Variants in NRG1 observed in about 807,000 individuals in gnomAD.
The protein encoded by NRG1 is pro-neuregulin-1, membrane-bound isoform.
A neutral mutation model predicts 63.8 loss-of-function variants in NRG1; 18 were observed. The observed-to-expected ratio is 0.28, with a 90% confidence interval of 0.19 to 0.42. The LOEUF (loss-of-function observed/expected upper bound fraction) is 0.42, where lower values mean the gene tolerates loss of function less well. NRG1 is among the 10% of genes least tolerant of loss of function. NRG1 has a pLI of 1.00. For synonymous variants in NRG1, 302 were observed against 301.3 expected (o/e 1.00, Z -0.02); for missense variants, 762 against 814.7 (o/e 0.94, Z 0.79).
intron 1 of NRG1, among the ~76,000 whole-genome samples, chr8:32,120,978 G>C (rs557936163): frequency 6.6e-6 from 1 of 151,908 alleles, no homozygotes; most frequent in African/African-American, 2.4e-5. Flanking sequence ...CACCCACTTC[G>C]CCTGCTGAGA....
At chr8:32,759,813 C>T (rs868819724) in intron 10 of NRG1, among the ~76,000 whole-genome samples, 1 of 152,138 alleles carries the variant, frequency 6.6e-6, no homozygotes, top group African/African-American at 2.4e-5. Context: ...CTCAAATGCC[C>T]TGGTGATCCC....
At chr8:31,829,222 A>G (rs565727265) in intron 1 of NRG1, among the ~76,000 whole-genome samples, 1 of 152,320 alleles carries the variant, frequency 6.6e-6, no homozygotes, top group East Asian at 1.9e-4. Context: ...TTTCATGTAG[A>G]TGTTTTAAAT....
chr8:32,425,210 TG>T (rs1290152186), intron 1 of NRG1, among the ~76,000 whole-genome samples: 12 of 152,356 alleles, frequency 7.9e-5, no homozygotes, highest in Non-Finnish European at 1.6e-4. Flanking sequence ...CATGCCTCTT[TG>T]GAATGGCATT....
chr8:31,704,844 A>G (rs974623585), intron 1 of NRG1, among the ~76,000 whole-genome samples: 32 of 151,818 alleles, frequency 2.1e-4, no homozygotes, highest in Non-Finnish European at 4.1e-4. Context: ...AAAAAAAAAA[A>G]AAAAAGAAAT....
At chr8:31,687,326 A>T (rs1173026555) in intron 1 of NRG1, among the ~76,000 whole-genome samples, 1 of 152,254 alleles carries the variant, frequency 6.6e-6, no homozygotes, top group Non-Finnish European at 1.5e-5. Context: ...CACTAAAAGC[A>T]AACAAACAAA....
At chr8:32,076,511 A>G (rs1826577980) in intron 1 of NRG1, among the ~76,000 whole-genome samples, 2 of 152,226 alleles carry the variant, frequency 1.3e-5, no homozygotes, top group Non-Finnish European at 2.9e-5. Context: ...GTTTGTAAGT[A>G]ACAGGTTTTG....
chr8:32,154,815 G>A (rs1028503203), intron 1 of NRG1, among the ~76,000 whole-genome samples: 1 of 152,162 alleles, frequency 6.6e-6, no homozygotes, highest in African/African-American at 2.4e-5. Context: ...ACAATGAAAG[G>A]AAGGGGAGGG....
intron 1 of NRG1, among the ~76,000 whole-genome samples, chr8:31,811,399 C>G (rs1266982087): frequency 6.6e-6 from 1 of 152,142 alleles, no homozygotes; most frequent in Admixed American, 6.5e-5. Flanking sequence ...CCTTCAAGGA[C>G]TTTTATTTTT....
At chr8:31,861,240 A>G (rs1048205810) in intron 1 of NRG1, among the ~76,000 whole-genome samples, 1 of 152,164 alleles carries the variant, frequency 6.6e-6, no homozygotes, top group African/African-American at 2.4e-5. Context: ...TGGTACTTCA[A>G]TACTGAGTAG....
intron 1 of NRG1, among the ~76,000 whole-genome samples, chr8:31,999,868 A>AT (rs573027886): frequency 2.2e-4 from 33 of 151,514 alleles, no homozygotes; most frequent in South Asian, 8.4e-4. Context: ...AAAAATGTGC[A>AT]TTTTTTTTTC....
chr8:32,628,717 A>G (rs967919693), intron 5 of NRG1, among the ~76,000 whole-genome samples: 9 of 151,788 alleles, frequency 5.9e-5, no homozygotes, highest in African/African-American at 2.2e-4. Flanking sequence ...AAACAAGTAT[A>G]ATAAAACTTT....
intron 1 of NRG1, among the ~76,000 whole-genome samples, chr8:32,426,886 C>T (rs868025317): frequency 2.0e-5 from 3 of 152,086 alleles, no homozygotes; most frequent in Non-Finnish European, 4.4e-5. Context: ...GTCTTGAAGA[C>T]GAAAGTTGAG....
At chr8:32,664,702 C>T (rs1357137700) in intron 5 of NRG1, among the ~76,000 whole-genome samples, 1 of 151,916 alleles carries the variant, frequency 6.6e-6, no homozygotes, top group Non-Finnish European at 1.5e-5. Flanking sequence ...AAATGGGATG[C>T]CATGCATGAG....
At chr8:32,759,197 A>T (rs1013351235) in intron 9 of NRG1, 109 bp from the exon 10 acceptor site, 2 of 1,240,248 alleles carry the variant, frequency 1.6e-6, no homozygotes, top group African/African-American at 3.0e-5. Flanking sequence ...ACAAAAATAG[A>T]TTTGTGTGTT....
At chr8:31,863,785 C>T (rs754371733) in intron 1 of NRG1, among the ~76,000 whole-genome samples, 6 of 152,190 alleles carry the variant, frequency 3.9e-5, no homozygotes, top group African/African-American at 4.8e-5. Context: ...AGACATTTCT[C>T]TCCCTTCCTC....
intron 1 of NRG1, among the ~76,000 whole-genome samples, chr8:32,508,685 T>G (rs1464501788): frequency 6.6e-6 from 1 of 152,044 alleles, no homozygotes; most frequent in East Asian, 1.9e-4. Context: ...CCTACACTAT[T>G]TATTTTTTAT....
intron 1 of NRG1, among the ~76,000 whole-genome samples, chr8:32,249,768 C>A (rs1848915821): frequency 6.6e-6 from 1 of 152,072 alleles, no homozygotes; most frequent in African/African-American, 2.4e-5. Context: ...ACAAAGATCC[C>A]AGTGCAGGAG....
intron 1 of NRG1, among the ~76,000 whole-genome samples, chr8:32,245,567 T>C (rs948141083): frequency 2.6e-5 from 4 of 152,198 alleles, no homozygotes; most frequent in Non-Finnish European, 5.9e-5. Flanking sequence ...GTCTACAATC[T>C]GATAAACAGG....
At chr8:32,497,424 G>T (rs1169604332) in intron 1 of NRG1, among the ~76,000 whole-genome samples, 2 of 147,936 alleles carry the variant, frequency 1.4e-5, no homozygotes, top group South Asian at 4.4e-4. Flanking sequence ...TCCAGCCTGG[G>T]CGACAGAGAG....
Sources: gnomAD v4.1 joint callset for allele counts (sites outside exome capture counted in the v4.1 genomes callset) on GRCh38, gnomAD v4.1.1 for gene constraint, MANE v1.5 for transcripts, NCBI Gene and HGNC (gene_info 2026-07-23, HGNC 2026-07-21) for gene names.